The following LINGO2 variants were observed in gnomAD, a reference collection of about 807,000 sequenced individuals.
LINGO2 encodes leucine-rich repeat and immunoglobulin-like domain-containing nogo receptor-interacting protein 2.
LINGO2 carries 14 observed loss-of-function variants against 30.6 expected under a neutral mutation model. The observed-to-expected ratio is 0.46, with a 90% CI of 0.30 to 0.72. LINGO2 has a LOEUF of 0.72. LINGO2 is among the 30% of genes least tolerant of loss of function. The pLI, the probability that LINGO2 is intolerant of heterozygous loss-of-function variation, is 0.07. For synonymous variants in LINGO2, 317 were observed against 288.5 expected (o/e 1.10, Z -1.00); for missense variants, 729 against 751.7 (o/e 0.97, Z 0.35).
the LINGO2 span, among the ~76,000 whole-genome samples, chr9:29,149,646 G>A: frequency 1.1e-4 from 16 of 151,928 alleles, no homozygotes; most frequent in African/African-American, 3.9e-4. Context: ...CTCTCCTTAC[G>A]GGCCTCCAGG....
intron 1 of LINGO2, among the ~76,000 whole-genome samples, chr9:28,598,460 A>C (rs1037191340): frequency 2.2e-5 from 3 of 137,372 alleles, no homozygotes; most frequent in Admixed American, 7.5e-5. Context: ...AACAAAAAAA[A>C]CGCCAAATAA....
chr9:28,026,969 C>T (rs990883431), intron 4 of LINGO2, among the ~76,000 whole-genome samples: 4 of 152,126 alleles, frequency 2.6e-5, no homozygotes, highest in Admixed American at 2.6e-4. Context: ...TGCAACTCTT[C>T]ATAGCTTATT....
At chr9:28,626,040 G>A (rs1435722954) in intron 1 of LINGO2, among the ~76,000 whole-genome samples, 3 of 152,020 alleles carry the variant, frequency 2.0e-5, no homozygotes, top group Admixed American at 2.0e-4. Flanking sequence ...CTTCAAAGTG[G>A]TGGCAACATT....
At chr9:28,079,981 T>C (rs1039121141) in intron 4 of LINGO2, among the ~76,000 whole-genome samples, 1 of 152,210 alleles carries the variant, frequency 6.6e-6, no homozygotes, top group African/African-American at 2.4e-5. Context: ...ATATTTGTCT[T>C]CCCTTTACAC....
intron 2 of LINGO2, among the ~76,000 whole-genome samples, chr9:28,378,446 A>T (rs1821215298): frequency 6.6e-6 from 1 of 152,174 alleles, no homozygotes; most frequent in Admixed American, 6.5e-5. Flanking sequence ...TGTGGCAATA[A>T]ATACAGGAAA....
the LINGO2 span, among the ~76,000 whole-genome samples, chr9:28,909,704 T>C: frequency 6.6e-6 from 1 of 152,044 alleles, no homozygotes; most frequent in East Asian, 1.9e-4. Context: ...TTTCTCCTGG[T>C]GTGAGCAACT....
chr9:28,100,176 GAAGTTCA>G (rs1826367925), intron 4 of LINGO2, among the ~76,000 whole-genome samples: 2 of 152,030 alleles, frequency 1.3e-5, no homozygotes, highest in Admixed American at 1.3e-4. Context: ...AAATATATTG[GAAGTTCA>G]AAATTATTTG....
the LINGO2 span, among the ~76,000 whole-genome samples, chr9:29,097,725 T>C: frequency 7.2e-6 from 1 of 138,890 alleles, no homozygotes; most frequent in Non-Finnish European, 1.6e-5. Context: ...TTGGTAGTAT[T>C]TATTTAAAAA....
At chr9:29,201,088 C>A in the LINGO2 span, among the ~76,000 whole-genome samples, 1 of 152,030 alleles carries the variant, frequency 6.6e-6, no homozygotes, top group African/African-American at 2.4e-5. Context: ...TGTAACATTA[C>A]TTTTTCCTCC....
the LINGO2 span, among the ~76,000 whole-genome samples, chr9:29,157,662 G>A: frequency 6.6e-6 from 1 of 152,110 alleles, no homozygotes; most frequent in Non-Finnish European, 1.5e-5. Context: ...AAATCTACCA[G>A]TAATGTGACA....
intron 1 of LINGO2, among the ~76,000 whole-genome samples, chr9:28,498,685 C>T (rs181236938): frequency 1.3e-5 from 2 of 152,122 alleles, no homozygotes; most frequent in Non-Finnish European, 2.9e-5. Context: ...CTCCAACAAA[C>T]CCCAGTGAGA....
intron 1 of LINGO2, among the ~76,000 whole-genome samples, chr9:28,494,512 C>A (rs2135281868): frequency 6.6e-6 from 1 of 152,238 alleles, no homozygotes; most frequent in Middle Eastern, 3.4e-3. Context: ...ATGATGGTTT[C>A]CAGCTTCATC....
At chr9:28,348,919 C>A (rs1264238007) in intron 3 of LINGO2, among the ~76,000 whole-genome samples, 1 of 151,520 alleles carries the variant, frequency 6.6e-6, no homozygotes, top group Non-Finnish European at 1.5e-5. Context: ...GGTATTCCAA[C>A]AGACCTGCAG....
At chr9:29,166,553 T>A in the LINGO2 span, among the ~76,000 whole-genome samples, 5 of 152,254 alleles carry the variant, frequency 3.3e-5, no homozygotes, top group Admixed American at 3.3e-4. Flanking sequence ...AAGATAACTA[T>A]CCAAGGCACA....
intron 4 of LINGO2, among the ~76,000 whole-genome samples, chr9:28,227,286 TTC>T (rs1188615159): frequency 2.6e-5 from 4 of 152,034 alleles, no homozygotes; most frequent in Non-Finnish European, 5.9e-5. Context: ...AGGCTTTTGG[TTC>T]TGTTTTACTA....
chr9:29,003,287 G>T, the LINGO2 span, among the ~76,000 whole-genome samples: 3 of 151,996 alleles, frequency 2.0e-5, no homozygotes, highest in African/African-American at 7.2e-5. Flanking sequence ...TACCGGTGTG[G>T]ATTCACACAA....
chr9:28,775,019 G>C, the LINGO2 span, among the ~76,000 whole-genome samples: 5 of 151,914 alleles, frequency 3.3e-5, no homozygotes, highest in Non-Finnish European at 7.4e-5. Flanking sequence ...CAATAAACAT[G>C]TTAACAGAGT....
chr9:28,286,815 AGAGGGTGGGAG>A (rs1478351447), intron 4 of LINGO2, among the ~76,000 whole-genome samples: 1 of 152,110 alleles, frequency 6.6e-6, no homozygotes, highest in East Asian at 1.9e-4. Context: ...TTCAGAAGGT[AGAGGGTGGGAG>A]GAGGGAGAGG....
At chr9:28,883,133 A>G in the LINGO2 span, among the ~76,000 whole-genome samples, 1 of 152,148 alleles carries the variant, frequency 6.6e-6, no homozygotes, top group African/African-American at 2.4e-5. Flanking sequence ...AGCTCAATCC[A>G]AACTCCTTCC....
Sources: gnomAD v4.1 joint callset for allele counts (sites outside exome capture counted in the v4.1 genomes callset) on GRCh38, gnomAD v4.1.1 for gene constraint, MANE v1.5 for transcripts, NCBI Gene and HGNC (gene_info 2026-07-23, HGNC 2026-07-21) for gene names.